LBR: variants seen among roughly 807,000 people sequenced by gnomAD.
LBR encodes the protein delta(14)-sterol reductase LBR.
Under a neutral mutation model 74.3 loss-of-function variants are expected in LBR, and 28 were observed. The ratio of observed to expected loss-of-function variants is 0.38; its 90% CI spans 0.28 to 0.52. The LOEUF is 0.52. Among genes scored for constraint, LBR ranks in the 20% least tolerant of loss-of-function variants. The pLI, the probability that LBR is intolerant of heterozygous loss-of-function variation, is 0.89. For synonymous variants in LBR, 228 were observed against 269.3 expected, an observed-to-expected ratio of 0.85 and a Z score of 1.50; for missense variants, 717 against 760.3, an observed-to-expected ratio of 0.94 and a Z score of 0.67.
intron 13 of LBR, 75 bp downstream of exon 13, chr1:225,404,329 C>G: frequency 6.2e-7 from 1 of 1,604,520 alleles, no homozygotes; most frequent in Non-Finnish European, 8.5e-7. Flanking sequence ...GCCACACTGT[C>G]CCACACAAAG....
intron 8 of LBR, 50 bp from the exon 9 acceptor site, chr1:225,411,490 A>C (rs763632999): frequency 5.0e-6 from 7 of 1,388,758 alleles, no homozygotes; most frequent in Admixed American, 3.4e-5. Context: ...CCCAGTCAGG[A>C]GGCTTTACAA....
At chr1:225,416,460 A>G (rs2096117314) in intron 6 of LBR, among the ~76,000 whole-genome samples, 1 of 152,254 alleles carries the variant, frequency 6.6e-6, no homozygotes, top group African/African-American at 2.4e-5. Context: ...TCTGGGCTAA[A>G]CTACTTTATC....
intron 1 of LBR, among the ~76,000 whole-genome samples, chr1:225,424,314 G>A (rs983252223): frequency 5.3e-5 from 8 of 152,270 alleles, no homozygotes; most frequent in East Asian, 3.9e-4. Flanking sequence ...GTATATAGGC[G>A]CCATAAGTTC....
Position 225,413,740 on chromosome 1 carries a change from G to T in LBR, c.893-1095C>A, listed in dbSNP as rs1187536433. On this transcript the variant is annotated intron_variant, in intron 7 of 13. Transcript: ENST00000272163. ...AAAATAATCATCCAAAATGTCTTAG[G>T]AACCTCCTTAGTTAATAATCGTAAA... 3.1e-5 allele frequency: 10 copies of T among 323,748 alleles called. No homozygotes were observed. The Admixed American group carries it at 3.8e-4, about 12-fold the overall frequency. The allele number at this position is 323,748 out of a possible 1,614,324, so 20.1% of individuals were successfully genotyped here. A position where few individuals can be genotyped will look rare whatever the true frequency, so the allele number is the denominator to read the frequency against.
At chr1:225,414,380 A>G (rs2096112932) in intron 7 of LBR, among the ~76,000 whole-genome samples, 1 of 152,220 alleles carries the variant, frequency 6.6e-6, no homozygotes, top group Non-Finnish European at 1.5e-5. Flanking sequence ...CAACCATTAC[A>G]ATACATAATG....
chr1:225,422,686 G>C (rs527543492), intron 2 of LBR, among the ~76,000 whole-genome samples: 2 of 150,910 alleles, frequency 1.3e-5, no homozygotes, highest in East Asian at 3.9e-4. Flanking sequence ...CACATAAGCA[G>C]ATCTTGAAAA....
chr1:225,424,954 G>A (rs1197520062), intron 1 of LBR, among the ~76,000 whole-genome samples: 2 of 152,160 alleles, frequency 1.3e-5, no homozygotes, highest in Non-Finnish European at 2.9e-5. Flanking sequence ...AACAAAACCA[G>A]GGCTGCCGAC....
chr1:225,410,374 G>C lies in LBR; in HGVS notation c.1231C>G (p.Gln411Glu). 4 of 1,614,142 alleles carry C rather than the reference G, an allele frequency of 2.5e-6. No individual in the cohort carries two copies. The highest frequency in any genetic ancestry group is 1.3e-5 in the African/African-American group (1 of 75,038). The change falls in exon 10 of 14, where the codon CAG becomes GAG. Residue 411 changes from glutamine (Q) to glutamate (E), a missense_variant. Coordinates refer to ENST00000272163, the MANE Select transcript of LBR (RefSeq NM_002296.4). The stretch of plus-strand genomic sequence containing the variant: ...GCCAAGGATGGAACAGCGCGGTCCT[G>C]TATTTTCATTTCAGCCAAAAGCATC... ...LVMLLAEMKI[Q>E]DRAVPSLAMI...
rs543209433 is a variant in LBR at position 225,424,195 on chromosome 1, T to C, written c.-14-106A>G. ...AATACAACTTTCCAGAATTGACTGG[T>C]CAGGATTTTAGGGCCAGAAAGGCTA... is the stretch of plus-strand genomic sequence containing the variant. On this transcript the variant is annotated intron_variant, in intron 1 of 13. Coordinates refer to ENST00000272163, the MANE Select transcript of LBR (RefSeq NM_002296.4). The C allele has an allele frequency of 4.2e-5, 39 of 918,116 alleles. No homozygotes were observed. The African/African-American group carries it at 6.2e-4, about 14-fold the overall frequency. 56.9% of individuals were successfully genotyped at this position (918,116 alleles called of 1,614,324 possible). A position where few individuals can be genotyped will look rare whatever the true frequency, so the allele number is the denominator to read the frequency against.
chr1:225,403,817 C>A (rs1041480779), intron 13 of LBR, among the ~76,000 whole-genome samples: 2 of 152,062 alleles, frequency 1.3e-5, no homozygotes, highest in East Asian at 1.9e-4. Context: ...GCAGCAGGCA[C>A]GGGCCAGCTC....
chr1:225,411,824 T>C (rs71646720), intron 8 of LBR, among the ~76,000 whole-genome samples: 1 of 152,248 alleles, frequency 6.6e-6, no homozygotes, highest in Non-Finnish European at 1.5e-5. Context: ...GTTTGTTTTG[T>C]TTTGAGATGG....
intron 1 of LBR, chr1:225,427,278 G>C (rs927794290): frequency 6.6e-6 from 1 of 152,242 alleles, no homozygotes; most frequent in African/African-American, 2.4e-5. Flanking sequence ...CCCTCAAAAA[G>C]GTGAAAAAGC....
At chr1:225,411,700 G>C (rs1028961603) in intron 8 of LBR, among the ~76,000 whole-genome samples, 3 of 152,130 alleles carry the variant, frequency 2.0e-5, no homozygotes, top group African/African-American at 7.2e-5. Context: ...AATCATGGGG[G>C]CCCCCCCAAA....
chr1:225,402,875 T>C lies in LBR; in HGVS notation c.*428A>G, dbSNP rs2096084048. 1 of 163,740 alleles carries C rather than the reference T, an allele frequency of 6.1e-6. No homozygotes were observed. Among genetic ancestry groups the C allele is most frequent in the Non-Finnish European group, 1.3e-5 (1 of 75,046 alleles). 10.1% of individuals were successfully genotyped at this position (163,740 alleles called of 1,614,324 possible). On this transcript the variant is annotated 3_prime_UTR_variant, in exon 14 of 14. Transcript: ENST00000272163. ...TTTAAAGAAAAACAAATGAAAATTCTATTCTCTTACTGAATAAAACATAAA... is the reference window on the plus strand; with the variant it reads ...TTTAAAGAAAAACAAATGAAAATTCCATTCTCTTACTGAATAAAACATAAA...
intron 10 of LBR, among the ~76,000 whole-genome samples, chr1:225,407,238 T>C (rs2096094054): frequency 6.6e-6 from 1 of 152,178 alleles, no homozygotes; most frequent in African/African-American, 2.4e-5. Flanking sequence ...TGTACTTGTC[T>C]AGTCACTCTT....
At chr1:225,406,356 C>T (rs1293994431) in intron 11 of LBR, among the ~76,000 whole-genome samples, 3 of 152,070 alleles carry the variant, frequency 2.0e-5, no homozygotes, top group African/African-American at 7.2e-5. Context: ...AAGATGCCTA[C>T]CAGAAAAAGC....
intron 7 of LBR, among the ~76,000 whole-genome samples, chr1:225,413,349 G>A (rs899313091): frequency 6.6e-6 from 1 of 152,224 alleles, no homozygotes; most frequent in African/African-American, 2.4e-5. Context: ...GGCTAGTCCT[G>A]CAGCCACACA....
rs979056811 is a variant in LBR, at chr1:225,403,051, T to C, written c.*252A>G. On this transcript the variant is annotated 3_prime_UTR_variant, in exon 14 of 14. Transcript: ENST00000272163. ...CTGTCTTCTGTTTTCAGATTAAGGG[T>C]TGAAAATTTCCCATTAAAATGCAAA... 1.0e-5 allele frequency: 5 copies of C among 488,736 alleles called. No homozygotes were observed. In the Admixed American group the frequency reaches 1.4e-4, roughly 14 times the overall value. 30.3% of individuals were successfully genotyped at this position (488,736 alleles called of 1,614,324 possible).
intron 6 of LBR, among the ~76,000 whole-genome samples, chr1:225,417,396 A>C (rs916175390): frequency 3.3e-5 from 5 of 152,212 alleles, no homozygotes; most frequent in Admixed American, 3.3e-4. Flanking sequence ...AGAAGAAAAA[A>C]CTACACTTAG....
Sources: gnomAD v4.1 joint callset for allele counts (sites outside exome capture counted in the v4.1 genomes callset) on GRCh38, gnomAD v4.1.1 for gene constraint, MANE v1.5 for transcripts, NCBI Gene and HGNC (gene_info 2026-07-23, HGNC 2026-07-21) for gene names.